PLEKHG7: variants seen among roughly 807,000 people sequenced by gnomAD.
PLEKHG7 encodes pleckstrin homology domain-containing family G member 7.
PLEKHG7 carries 77 observed loss-of-function variants against 85.2 expected under a neutral mutation model. The ratio of observed to expected loss-of-function variants is 0.90; its 90% CI spans 0.75 to 1.09. The LOEUF (loss-of-function observed/expected upper bound fraction) is 1.09, where lower values mean the gene tolerates loss of function less well. Ranked by LOEUF, PLEKHG7 falls within the 50% of genes least tolerant of loss-of-function variation. The pLI is 0.00. For synonymous variants in PLEKHG7, 301 were observed against 302.4 expected (o/e 1.00, Z 0.05); for missense variants, 777 against 804.3 (o/e 0.97, Z 0.41).
At chr12:92,763,809 A>G (rs1405820598) in intron 14 of PLEKHG7, among the ~76,000 whole-genome samples, 2 of 152,034 alleles carry the variant, frequency 1.3e-5, no homozygotes, top group Non-Finnish European at 2.9e-5. Context: ...ACAGAGTGAG[A>G]CCCTGTCTCA....
chr12:92,716,427 A>C (rs535332630), intron 3 of PLEKHG7, among the ~76,000 whole-genome samples: 1 of 152,198 alleles, frequency 6.6e-6, no homozygotes. Context: ...TGTGTAAGTG[A>C]GAAGTGCCCA....
chr12:92,754,005 C>T, intron 10 of PLEKHG7, 85 bp from the exon 11 acceptor site: 1 of 1,397,212 alleles, frequency 7.2e-7, no homozygotes, highest in South Asian at 1.3e-5. Context: ...TGAGTAAAAT[C>T]TCCAAGAACC....
At chr12:92,734,371 G>A (rs1366266333) in intron 5 of PLEKHG7, among the ~76,000 whole-genome samples, 1 of 151,434 alleles carries the variant, frequency 6.6e-6, no homozygotes, top group Admixed American at 6.6e-5. Context: ...CCTCTATAAC[G>A]TTTAGCACAT....
At chr12:92,751,073 C>T (rs1872679060) in intron 10 of PLEKHG7, among the ~76,000 whole-genome samples, 1 of 152,186 alleles carries the variant, frequency 6.6e-6, no homozygotes, top group Admixed American at 6.5e-5. Flanking sequence ...TATCCCACTG[C>T]ATTTATAGGT....
At chr12:92,717,058 A>C (rs563755334) in intron 3 of PLEKHG7, among the ~76,000 whole-genome samples, 5 of 152,328 alleles carry the variant, frequency 3.3e-5, no homozygotes, top group African/African-American at 1.2e-4. Flanking sequence ...TGGATAGGGA[A>C]ACATTCCTAG....
At chr12:92,748,104 T>A (rs1872586105) in intron 10 of PLEKHG7, among the ~76,000 whole-genome samples, 1 of 152,220 alleles carries the variant, frequency 6.6e-6, no homozygotes, top group Admixed American at 6.5e-5. Flanking sequence ...ATACCCTGAT[T>A]TCATCATTAC....
At chr12:92,750,531 C>T (rs1303995739) in intron 10 of PLEKHG7, among the ~76,000 whole-genome samples, 2 of 152,184 alleles carry the variant, frequency 1.3e-5, no homozygotes, top group African/African-American at 4.8e-5. Flanking sequence ...ACGCTGGCAG[C>T]CACAGCTGTT....
intron 10 of PLEKHG7, among the ~76,000 whole-genome samples, chr12:92,753,207 A>T (rs1872738247): frequency 6.6e-6 from 1 of 152,242 alleles, no homozygotes; most frequent in East Asian, 1.9e-4. Context: ...GAGAAGAGGA[A>T]GAGAACACAC....
chr12:92,732,803 C>T (rs992190972), intron 5 of PLEKHG7, among the ~76,000 whole-genome samples: 2 of 152,160 alleles, frequency 1.3e-5, no homozygotes, highest in African/African-American at 2.4e-5. Context: ...TGAGACTTTA[C>T]TGCCTAAGAC....
intron 13 of PLEKHG7, among the ~76,000 whole-genome samples, chr12:92,759,828 T>C (rs1385333355): frequency 1.3e-5 from 2 of 152,246 alleles, no homozygotes; most frequent in African/African-American, 4.8e-5. Context: ...GGTCTAGTGC[T>C]GTACCATTCC....
chr12:92,759,673 C>T (rs894424020), intron 13 of PLEKHG7, among the ~76,000 whole-genome samples: 11 of 152,136 alleles, frequency 7.2e-5, no homozygotes. Context: ...TGCAGAAACC[C>T]AAAAAGAAAG....
chr12:92,710,985 AC>A (rs779395514), intron 3 of PLEKHG7, among the ~76,000 whole-genome samples: 2 of 151,846 alleles, frequency 1.3e-5, no homozygotes, highest in Non-Finnish European at 2.9e-5. Context: ...CTATCCACAT[AC>A]CCCTTCCCCA....
intron 9 of PLEKHG7, among the ~76,000 whole-genome samples, chr12:92,745,012 T>C (rs1005211984): frequency 4.6e-5 from 7 of 152,178 alleles, no homozygotes; most frequent in Non-Finnish European, 1.0e-4. Context: ...CAAAATTAAA[T>C]GCATGGAAAT....
rs760578105 is a variant in PLEKHG7 at position 92,707,098 on chromosome 12, A to G, written c.467A>G (p.His156Arg). ...HQASLRQQEG[H>R]FLPSPTLRHP... ...GCCTCTCTTCGGCAGCAAGAAGGCC[A>G]CTTCCTGCCCAGCCCCACCCTACGA... The change falls in exon 2 of 17, where the codon CAC becomes CGC. Residue 156 changes from histidine (H) to arginine (R), a missense_variant. Physicochemically the swap from His to Arg is conservative, Grantham distance 29. Coordinates refer to ENST00000344636, the MANE Select transcript of PLEKHG7 (RefSeq NM_001377329.1). 1 of 1,614,000 alleles carries G rather than the reference A, an allele frequency of 6.2e-7. No homozygotes were observed. Among genetic ancestry groups the G allele is most frequent in the Non-Finnish European group, 8.5e-7 (1 of 1,179,974 alleles).
At position 92,761,219 on chromosome 12, in the gene PLEKHG7, C is replaced by T. The variant is rs565919171; in HGVS notation, c.1637-533C>T. 4.9e-4 allele frequency among the ~76,000 whole-genome samples: 75 copies of T among 152,306 alleles called. 1 individual carries two copies. Among genetic ancestry groups the T allele is most frequent in the Admixed American group, 2.0e-3 (31 of 15,292 alleles). On this transcript the variant is annotated intron_variant, in intron 13 of 16. Transcript: ENST00000344636. ...TCATAGCAGTGAGAAAATGCCTTTT[C>T]TCTGGTTATGTGTGCCTTTGCCAAT... is the stretch of plus-strand genomic sequence containing the variant.
chr12:92,756,029 T>G, intron 12 of PLEKHG7, 89 bp downstream of exon 12: 1 of 881,048 alleles, frequency 1.1e-6, no homozygotes, highest in South Asian at 1.6e-5. Flanking sequence ...TGTCCCCATC[T>G]GTCCACTTGA....
chr12:92,765,552 C>T (rs1278852397), intron 15 of PLEKHG7, among the ~76,000 whole-genome samples: 1 of 151,646 alleles, frequency 6.6e-6, no homozygotes, highest in Non-Finnish European at 1.5e-5. Context: ...TCGCTTGAAC[C>T]CGGGAGGCGG....
chr12:92,730,031 G>A (rs984454370), intron 4 of PLEKHG7, among the ~76,000 whole-genome samples: 1 of 152,112 alleles, frequency 6.6e-6, no homozygotes, highest in Non-Finnish European at 1.5e-5. Flanking sequence ...GCTCCTGACT[G>A]TGAGTCCAGT....
chr12:92,762,761 A>C lies in PLEKHG7; in HGVS notation c.1716+930A>C, dbSNP rs764075236. Among the ~76,000 whole-genome samples, 4 of 152,330 alleles carry C rather than the reference A, an allele frequency of 2.6e-5. No homozygotes were observed. The East Asian group carries it at 7.7e-4, about 29-fold the overall frequency. Reference sequence around the variant, plus strand: ...TTCTTTACCAAATGACTAGCCTTACATAGATAAGATCATGAGACTAGCTAT... The same window carrying C: ...TTCTTTACCAAATGACTAGCCTTACCTAGATAAGATCATGAGACTAGCTAT... On this transcript the variant is annotated intron_variant, in intron 14 of 16. Transcript: ENST00000344636.
Sources: allele counts gnomAD v4.1 joint callset (sites outside exome capture counted in the v4.1 genomes callset), GRCh38; gene constraint gnomAD v4.1.1; transcripts MANE v1.5; gene names NCBI Gene and HGNC (gene_info 2026-07-23, HGNC 2026-07-21).